Variants in ICA1 observed in about 807,000 individuals in gnomAD.
ICA1 encodes the protein 69 kDa islet cell autoantigen.
In ICA1, 40 loss-of-function variants were observed where a neutral mutation model predicts 71.0. The ratio of observed to expected loss-of-function variants is 0.56; its 90% CI spans 0.44 to 0.73. The LOEUF is 0.73. Ranked by LOEUF, ICA1 falls within the 30% of genes least tolerant of loss-of-function variation. ICA1 has a pLI of 0.00. For synonymous variants in ICA1, 207 were observed against 209.5 expected, an observed-to-expected ratio of 0.99 and a Z score of 0.10; for missense variants, 578 against 576.5, an observed-to-expected ratio of 1.00 and a Z score of -0.03.
At chr7:8,166,402 C>T (rs187074775) in intron 6 of ICA1, among the ~76,000 whole-genome samples, 155 of 152,224 alleles carry the variant, frequency 1.0e-3, no homozygotes, top group Non-Finnish European at 1.2e-3. Flanking sequence ...GAAAGGACTC[C>T]ATATTCAATA....
chr7:8,177,844 G>T (rs1584939168), intron 6 of ICA1, among the ~76,000 whole-genome samples: 1 of 152,268 alleles, frequency 6.6e-6, no homozygotes, highest in Middle Eastern at 3.4e-3. Context: ...TGGGGAAAAA[G>T]ATCAGGTCCT....
At chr7:8,135,471 G>A (rs565910805) in intron 12 of ICA1, among the ~76,000 whole-genome samples, 1 of 152,202 alleles carries the variant, frequency 6.6e-6, no homozygotes, top group Non-Finnish European at 1.5e-5. Context: ...AAGACAGAGA[G>A]GAGGGAAAGT....
chr7:8,172,523 C>T (rs1206829783), intron 6 of ICA1, among the ~76,000 whole-genome samples: 1 of 152,074 alleles, frequency 6.6e-6, no homozygotes, highest in East Asian at 1.9e-4. Flanking sequence ...TTGAAAAAAT[C>T]CAATCTATAA....
intron 4 of ICA1, among the ~76,000 whole-genome samples, chr7:8,221,935 G>A (rs1249830569): frequency 6.6e-6 from 1 of 152,202 alleles, no homozygotes; most frequent in East Asian, 1.9e-4. Context: ...GTTGATGACA[G>A]TGGGTTTTAA....
At chr7:8,116,553 T>C (rs543661027) in intron 13 of ICA1, 3 of 152,256 alleles carry the variant, frequency 2.0e-5, no homozygotes, top group Admixed American at 6.5e-5. Context: ...ACTATTGCTA[T>C]GGATAAGGCA....
chr7:8,201,002 G>C (rs574091946), intron 6 of ICA1, among the ~76,000 whole-genome samples: 2 of 152,294 alleles, frequency 1.3e-5, no homozygotes, highest in South Asian at 4.1e-4. Context: ...ATTTACTTTA[G>C]TGGTCAATGA....
chr7:8,209,900 G>C (rs1257251072), intron 6 of ICA1, among the ~76,000 whole-genome samples: 1 of 152,192 alleles, frequency 6.6e-6, no homozygotes, highest in Non-Finnish European at 1.5e-5. Context: ...TGGAAACACA[G>C]GGTGTGCATG....
chr7:8,119,701 C>T (rs991387370), intron 13 of ICA1, among the ~76,000 whole-genome samples: 6 of 152,130 alleles, frequency 3.9e-5, no homozygotes, highest in African/African-American at 1.4e-4. Context: ...CAAAAATTAG[C>T]CGGGTGTGGT....
At chr7:8,138,087 C>T (rs1467703224) in intron 12 of ICA1, among the ~76,000 whole-genome samples, 7 of 152,266 alleles carry the variant, frequency 4.6e-5, no homozygotes, top group African/African-American at 9.6e-5. Context: ...AAAAGGAAAC[C>T]CTTGGTCAGA....
intron 8 of ICA1, among the ~76,000 whole-genome samples, chr7:8,147,624 A>G (rs1229135482): frequency 6.6e-6 from 1 of 151,930 alleles, no homozygotes; most frequent in Non-Finnish European, 1.5e-5. Flanking sequence ...ATAAAACCAC[A>G]AGCAAAATTG....
Position 8,221,300 on chromosome 7 carries a change from C to A in ICA1, c.355G>T (p.Ala119Ser). The A allele has an allele frequency of 6.2e-7, 1 of 1,613,698 alleles. No individual in the cohort carries two copies. The highest frequency in any genetic ancestry group is 8.5e-7 in the Non-Finnish European group (1 of 1,179,696). Residue 119 changes from alanine to serine, a missense_variant, in exon 5 of 14, where the codon GCC (alanine) becomes TCC (serine). Physicochemically the swap from Ala to Ser is moderately conservative, Grantham distance 99. Transcript: ENST00000402384. ...AGKMMQATGKALCFSSQQRLA... is the reference protein window; with the variant it reads ...AGKMMQATGKSLCFSSQQRLA... Reference sequence around the variant, plus strand: ...CTTTGCTGGGAAGAAAAGCAGAGGGCCTTTCCTGTCGCTTGCATCATCTTT... The same window carrying A: ...CTTTGCTGGGAAGAAAAGCAGAGGGACTTTCCTGTCGCTTGCATCATCTTT...
At chr7:8,221,166 C>T in intron 5 of ICA1, 109 bp downstream of exon 5, 2 of 1,387,194 alleles carry the variant, frequency 1.4e-6, no homozygotes, top group Non-Finnish European at 2.0e-6. Context: ...GCTCCTCAGC[C>T]TCAGGCAAAA....
At chr7:8,239,416 G>C (rs577825926) in intron 1 of ICA1, among the ~76,000 whole-genome samples, 1 of 152,312 alleles carries the variant, frequency 6.6e-6, no homozygotes, top group East Asian at 1.9e-4. Flanking sequence ...AATAGAAATA[G>C]ACTATGAGCA....
rs188777624 is a variant in ICA1, at chr7:8,130,410, G to A, written c.1061-2268C>T. On this transcript the variant is annotated intron_variant, in intron 12 of 13. Transcript: ENST00000402384. This position sits in a 1 kb window ranked among gnomAD's most constrained non-coding sequence, Gnocchi z 4.2. ...GCTCAGGATGTGTCCATCAACACCT[G>A]TATCTACGCATGCTCCCCTCTCCAG... Among the ~76,000 whole-genome samples the A allele has an allele frequency of 6.6e-6, 1 of 152,320 alleles. No individual in the cohort carries two copies. Among genetic ancestry groups the A allele is most frequent in the African/African-American group, 2.4e-5 (1 of 41,566 alleles).
Position 8,152,796 on chromosome 7 carries a change from T to TCCACCA in ICA1, c.804+4314_804+4319dup, listed in dbSNP as rs79753788. 1.2e-3 allele frequency among the ~76,000 whole-genome samples: 60 copies of TCCACCA among 49,620 alleles called. 1 individual carries two copies. The highest frequency in any genetic ancestry group is 3.8e-3 in the African/African-American group (44 of 11,476). 32.6% of individuals were successfully genotyped at this position (49,620 alleles called of 152,430 possible). A position where few individuals can be genotyped will look rare whatever the true frequency, so the allele number is the denominator to read the frequency against. On this transcript the variant is annotated intron_variant, in intron 8 of 13. Coordinates refer to ENST00000402384, the MANE Select transcript of ICA1 (RefSeq NM_001136020.3). ...CACCACTATCACCATCACCATCACCTCCACCACCACCACCACCATCTCCTT... is the reference window on the plus strand; with the variant it reads ...CACCACTATCACCATCACCATCACCTCCACCACCACCACCACCACCACCATCTCCTT...
At chr7:8,182,977 G>T (rs912315879) in intron 6 of ICA1, among the ~76,000 whole-genome samples, 2 of 152,160 alleles carry the variant, frequency 1.3e-5, no homozygotes, top group Non-Finnish European at 2.9e-5. Context: ...ATGTACAGGG[G>T]ACATGCAATG....
chr7:8,215,143 C>A (rs529334025), intron 6 of ICA1, among the ~76,000 whole-genome samples: 1 of 152,158 alleles, frequency 6.6e-6, no homozygotes, highest in African/African-American at 2.4e-5. Flanking sequence ...CTTCCCTACA[C>A]CCTCCCACTA....
intron 6 of ICA1, among the ~76,000 whole-genome samples, 156 bp downstream of exon 6, chr7:8,218,149 C>T (rs1795947305): frequency 6.6e-6 from 1 of 152,180 alleles, no homozygotes; most frequent in African/African-American, 2.4e-5. Context: ...TTATGTATCA[C>T]ATTAATTGGT....
chr7:8,149,137 G>C (rs900080838), intron 8 of ICA1, among the ~76,000 whole-genome samples: 8 of 152,182 alleles, frequency 5.3e-5, no homozygotes, highest in Non-Finnish European at 7.3e-5. Context: ...ATGTATAGAC[G>C]AGGCAGCCAT....
Sources: gnomAD v4.1 joint callset for allele counts (sites outside exome capture counted in the v4.1 genomes callset) on GRCh38, gnomAD v4.1.1 for gene constraint, Gnocchi (gnomAD v3.1) non-coding constraint, MANE v1.5 for transcripts, NCBI Gene and HGNC (gene_info 2026-07-23, HGNC 2026-07-21) for gene names.